HS3ST4: variants seen among roughly 807,000 people sequenced by gnomAD.
The protein encoded by HS3ST4 is heparan sulfate glucosamine 3-O-sulfotransferase 4.
HS3ST4 carries 17 observed loss-of-function variants against 29.2 expected under a neutral mutation model. The ratio of observed to expected loss-of-function variants is 0.58; its 90% confidence interval spans 0.40 to 0.87. HS3ST4 has a LOEUF of 0.87. HS3ST4 is among the 40% of genes least tolerant of loss of function. HS3ST4 has a pLI of 0.00. For missense variants in HS3ST4, 627 were observed against 634.5 expected (o/e 0.99, Z 0.13); for synonymous variants, 314 against 285.7 (o/e 1.10, Z -1.00).
chr16:25,794,932 CACACACAT>C (rs1430346253), intron 1 of HS3ST4, among the ~76,000 whole-genome samples: 3 of 134,858 alleles, frequency 2.2e-5, no homozygotes, highest in Non-Finnish European at 3.3e-5. Flanking sequence ...CACACACACA[CACACACAT>C]ATATATTCAT....
At chr16:25,954,116 A>G (rs1381215262) in intron 1 of HS3ST4, among the ~76,000 whole-genome samples, 1 of 152,246 alleles carries the variant, frequency 6.6e-6, no homozygotes, top group Non-Finnish European at 1.5e-5. Context: ...TTGAGCATGC[A>G]GAGCAAAATG....
At chr16:25,715,307 C>G (rs971874098) in intron 1 of HS3ST4, among the ~76,000 whole-genome samples, 1 of 121,556 alleles carries the variant, frequency 8.2e-6, no homozygotes, top group African/African-American at 3.2e-5. Context: ...CCGGCCTGGG[C>G]GACAGAGCGA....
chr16:25,989,558 A>G (rs565058491), intron 1 of HS3ST4, among the ~76,000 whole-genome samples: 2 of 152,250 alleles, frequency 1.3e-5, no homozygotes, highest in South Asian at 2.1e-4. Context: ...TTAGCCTTAA[A>G]TTTTATTTTT....
chr16:26,071,397 T>C (rs1898602745), intron 1 of HS3ST4, among the ~76,000 whole-genome samples: 1 of 152,042 alleles, frequency 6.6e-6, no homozygotes, highest in African/African-American at 2.4e-5. Flanking sequence ...GGTTGAGGAA[T>C]CTAAGTCCAA....
At chr16:25,763,688 T>C (rs1215044614) in intron 1 of HS3ST4, among the ~76,000 whole-genome samples, 1 of 152,140 alleles carries the variant, frequency 6.6e-6, no homozygotes, top group Non-Finnish European at 1.5e-5. Context: ...TGCATTCAGC[T>C]GGAAAGAAAT....
At chr16:26,065,926 GA>G (rs758375603) in intron 1 of HS3ST4, among the ~76,000 whole-genome samples, 20 of 152,218 alleles carry the variant, frequency 1.3e-4, no homozygotes, top group Non-Finnish European at 2.9e-4. Context: ...AGTTGTGATA[GA>G]AAAGAGCAAA....
At chr16:25,827,716 TTAAAATGGTAAAGTTTTA>T (rs575320958) in intron 1 of HS3ST4, among the ~76,000 whole-genome samples, 18 of 152,282 alleles carry the variant, frequency 1.2e-4, no homozygotes, top group Non-Finnish European at 1.9e-4. Context: ...AGTTTAAACT[TTAAAATGGTAAAGTTTTA>T]AAGTTTCCTA....
chr16:26,106,495 G>T (rs532923860), intron 1 of HS3ST4, among the ~76,000 whole-genome samples: 1 of 152,218 alleles, frequency 6.6e-6, no homozygotes, highest in Non-Finnish European at 1.5e-5. Context: ...GCCAAGAGGA[G>T]CATGTTCAAG....
intron 1 of HS3ST4, among the ~76,000 whole-genome samples, chr16:25,910,682 A>G (rs1407805992): frequency 6.6e-6 from 1 of 152,140 alleles, no homozygotes; most frequent in African/African-American, 2.4e-5. Context: ...AAACAAGTTT[A>G]TGCAAGCGGC....
At chr16:25,857,864 A>G (rs1043199070) in intron 1 of HS3ST4, among the ~76,000 whole-genome samples, 1 of 151,664 alleles carries the variant, frequency 6.6e-6, no homozygotes, top group South Asian at 2.1e-4. Flanking sequence ...CTTAATTTAC[A>G]TGAATTTCTT....
At chr16:26,031,792 G>A (rs1181966047) in intron 1 of HS3ST4, among the ~76,000 whole-genome samples, 1 of 151,878 alleles carries the variant, frequency 6.6e-6, no homozygotes, top group African/African-American at 2.4e-5. Context: ...CAGGACATGG[G>A]CAGACAATCG....
At chr16:26,050,498 A>G (rs1898329024) in intron 1 of HS3ST4, among the ~76,000 whole-genome samples, 1 of 152,194 alleles carries the variant, frequency 6.6e-6, no homozygotes, top group African/African-American at 2.4e-5. Flanking sequence ...TTTCTCCAGA[A>G]GCAAATAGCG....
At chr16:25,708,026 T>C (rs1172065199) in intron 1 of HS3ST4, among the ~76,000 whole-genome samples, 1 of 152,190 alleles carries the variant, frequency 6.6e-6, no homozygotes, top group Non-Finnish European at 1.5e-5. Flanking sequence ...AGGTTTCTGG[T>C]ATCCTAATTT....
At chr16:25,885,863 C>T (rs73515343) in intron 1 of HS3ST4, among the ~76,000 whole-genome samples, 1,786 of 151,742 alleles carry the variant, frequency 0.012, 27 homozygotes, top group African/African-American at 0.04. Flanking sequence ...AAACATAATA[C>T]GATGAGAAGA....
chr16:25,926,618 C>T (rs142848473), intron 1 of HS3ST4, among the ~76,000 whole-genome samples: 2 of 152,308 alleles, frequency 1.3e-5, no homozygotes, highest in African/African-American at 2.4e-5. Flanking sequence ...TGAGACCTCA[C>T]GATCCTTATT....
rs116097267 is a variant in HS3ST4 at position 25,706,158 on chromosome 16, C to G, written c.734+13007C>G. ...TGTTTCACCGGATTCATCATTGTTACGTCATTTTTAAAATACCGAAACAAC... is the reference window on the plus strand; with the variant it reads ...TGTTTCACCGGATTCATCATTGTTAGGTCATTTTTAAAATACCGAAACAAC... On this transcript the variant is annotated intron_variant, in intron 1 of 1. Transcript: ENST00000331351. 2.3e-3 allele frequency among the ~76,000 whole-genome samples: 351 copies of G among 152,250 alleles called. 2 individuals are homozygous for G. The highest frequency in any genetic ancestry group is 7.7e-3 in the African/African-American group (319 of 41,546).
At chr16:26,119,762 G>T (rs944751592) in intron 1 of HS3ST4, among the ~76,000 whole-genome samples, 2 of 152,030 alleles carry the variant, frequency 1.3e-5, no homozygotes, top group African/African-American at 4.8e-5. Context: ...TTCATGCCAG[G>T]CACTATGTGG....
chr16:25,814,820 A>G (rs561637949), intron 1 of HS3ST4, among the ~76,000 whole-genome samples: 2 of 152,314 alleles, frequency 1.3e-5, no homozygotes, highest in South Asian at 4.1e-4. Flanking sequence ...TGCATTTGCA[A>G]TGATTTCTGG....
chr16:25,920,677 A>T (rs1283156368), intron 1 of HS3ST4, among the ~76,000 whole-genome samples: 3 of 141,128 alleles, frequency 2.1e-5, no homozygotes, highest in African/African-American at 8.1e-5. Context: ...GTCATGGCTC[A>T]CTGCAGCCTC....
Sources: allele counts gnomAD v4.1 joint callset (sites outside exome capture counted in the v4.1 genomes callset), GRCh38; gene constraint gnomAD v4.1.1; transcripts MANE v1.5; gene names NCBI Gene and HGNC (gene_info 2026-07-23, HGNC 2026-07-21).